The following CACNA1E variants were observed in gnomAD, a reference collection of about 807,000 sequenced individuals.
CACNA1E encodes voltage-dependent R-type calcium channel subunit alpha-1E.
CACNA1E carries 40 observed loss-of-function variants against 259.2 expected under a neutral mutation model. The observed-to-expected ratio is 0.15, with a 90% CI of 0.12 to 0.20. The LOEUF is 0.20. CACNA1E is among the 10% of genes least tolerant of loss of function. CACNA1E has a pLI of 1.00. For missense variants in CACNA1E, 1,874 were observed against 3,040.1 expected (o/e 0.62, Z 9.02); for synonymous variants, 1,104 against 1,138.5 (o/e 0.97, Z 0.61).
chr1:181,438,316 AG>A (rs1249052889), intron 2 of CACNA1E, among the ~76,000 whole-genome samples: 1 of 152,198 alleles, frequency 6.6e-6, no homozygotes, highest in Admixed American at 6.5e-5. Flanking sequence ...AGTGGGCAAA[AG>A]TATTCTCTCT....
chr1:181,448,757 C>A (rs1660956680), intron 2 of CACNA1E, among the ~76,000 whole-genome samples: 1 of 152,186 alleles, frequency 6.6e-6, no homozygotes, highest in Non-Finnish European at 1.5e-5. Context: ...TAAAGTGGAA[C>A]CAGGCATCTT....
intron 3 of CACNA1E, among the ~76,000 whole-genome samples, chr1:181,537,127 T>C (rs1668238948): frequency 7.0e-6 from 1 of 142,520 alleles, no homozygotes; most frequent in Non-Finnish European, 1.5e-5. Context: ...GAGATGGAGT[T>C]TTGCTCTTGT....
At chr1:181,599,153 C>T (rs1653495007) in intron 6 of CACNA1E, among the ~76,000 whole-genome samples, 1 of 151,962 alleles carries the variant, frequency 6.6e-6, no homozygotes, top group African/African-American at 2.4e-5. Context: ...TGTTGTTCCC[C>T]CCTCCCATGT....
chr1:181,565,884 G>GC (rs1470111294), intron 3 of CACNA1E, among the ~76,000 whole-genome samples: 4 of 141,228 alleles, frequency 2.8e-5, no homozygotes, highest in Non-Finnish European at 6.3e-5. Context: ...CCTGGTCCTG[G>GC]GGGGTACCTG....
At chr1:181,467,817 C>A (rs550407194) in intron 2 of CACNA1E, among the ~76,000 whole-genome samples, 3 of 152,272 alleles carry the variant, frequency 2.0e-5, no homozygotes, top group African/African-American at 7.2e-5. Context: ...CACCAGGAGT[C>A]TCAACTGGGA....
At chr1:181,511,534 C>G (rs2102624346) in intron 3 of CACNA1E, 24 bp downstream of exon 3, 8 of 1,611,760 alleles carry the variant, frequency 5.0e-6, no homozygotes, top group Middle Eastern at 1.9e-4. Flanking sequence ...CTCTCTCTGT[C>G]TGTGTGTGTG....
At chr1:181,380,503 A>G (rs1356049145) in intron 1 of CACNA1E, among the ~76,000 whole-genome samples, 3 of 152,200 alleles carry the variant, frequency 2.0e-5, no homozygotes, top group Admixed American at 6.5e-5. Context: ...GCAAATCAAC[A>G]TCCCCCATGG....
intron 3 of CACNA1E, among the ~76,000 whole-genome samples, chr1:181,537,552 G>T (rs145412754): frequency 1.1e-4 from 16 of 152,166 alleles, no homozygotes; most frequent in Admixed American, 9.2e-4. Context: ...TTGGTGGAAG[G>T]GGGGAGAGGT....
At position 181,719,806 on chromosome 1, in the gene CACNA1E, CT is replaced by C. The variant is rs1654261847; in HGVS notation, c.1698del (p.Phe566LeufsTer12). On this transcript the variant is annotated frameshift_variant, in exon 13 of 48. Transcript: ENST00000367573. LOFTEE classifies it high-confidence loss of function. Reference protein sequence around the residue: ...VVWAIFRPGTSFGISVLRALR... With the variant: ...VVWAIFRPGTXFGISVLRALR... ...TGGGCAATCTTCAGACCTGGTACGTCTTTTGGAATCAGTGTCTTGCGAGCCC... is the reference window on the plus strand; with the variant it reads ...TGGGCAATCTTCAGACCTGGTACGTCTTTGGAATCAGTGTCTTGCGAGCCC... 6.2e-7 allele frequency: 1 copy of C among 1,605,014 alleles called. No individual in the cohort carries two copies.
rs148576285 is a variant in CACNA1E at position 181,780,953 on chromosome 1, A to T, written c.5268-474A>T. Among the ~76,000 whole-genome samples, 356 of 152,288 alleles carry T rather than the reference A, an allele frequency of 2.3e-3. 4 individuals are homozygous for T. Among genetic ancestry groups the T allele is most frequent in the African/African-American group, 8.0e-3 (333 of 41,562 alleles). On this transcript the variant is annotated intron_variant, in intron 38 of 47. Coordinates refer to ENST00000367573, the MANE Select transcript of CACNA1E (RefSeq NM_001205293.3). ...GGCCAGCGCCCCAGCCGGGGTCAGA[A>T]ACTCCAACCCATGGCTGGAGCACCG...
At position 181,748,813 on chromosome 1, in the gene CACNA1E, A is replaced by G. The variant is rs1317755457; in HGVS notation, c.3720-1663A>G. 2.6e-5 allele frequency among the ~76,000 whole-genome samples: 4 copies of G among 152,334 alleles called. No homozygotes were observed. The East Asian group carries it at 7.7e-4, about 29-fold the overall frequency. On this transcript the variant is annotated intron_variant, in intron 25 of 47. Transcript: ENST00000367573. ...TTCCCTACTAGACTAGGTAAGTTTC[A>G]AAAGGTTGGCAACCTCATTTGTTCA... is the stretch of plus-strand genomic sequence containing the variant.
At chr1:181,747,353 G>A (rs1657182811) in intron 25 of CACNA1E, among the ~76,000 whole-genome samples, 1 of 152,100 alleles carries the variant, frequency 6.6e-6, no homozygotes, top group Non-Finnish European at 1.5e-5. Context: ...GGATTACATT[G>A]AATGATGAGT....
At chr1:181,684,249 T>C (rs1366680693) in intron 7 of CACNA1E, among the ~76,000 whole-genome samples, 1 of 152,230 alleles carries the variant, frequency 6.6e-6, no homozygotes, top group African/African-American at 2.4e-5. Context: ...TGAACATTTT[T>C]TCATATGCTT....
At chr1:181,376,129 C>G (rs563656229) in intron 1 of CACNA1E, among the ~76,000 whole-genome samples, 5 of 152,130 alleles carry the variant, frequency 3.3e-5, no homozygotes, top group Admixed American at 3.3e-4. Context: ...GTGAATGGAG[C>G]CAGGATAGGG....
At chr1:181,451,285 C>T (rs1165593939) in intron 2 of CACNA1E, among the ~76,000 whole-genome samples, 2 of 152,212 alleles carry the variant, frequency 1.3e-5, no homozygotes, top group Non-Finnish European at 2.9e-5. Flanking sequence ...CTGGTTAGTG[C>T]CCTTGCCATA....
intron 6 of CACNA1E, among the ~76,000 whole-genome samples, chr1:181,604,244 G>A (rs1416044083): frequency 6.6e-6 from 1 of 152,174 alleles, no homozygotes; most frequent in Non-Finnish European, 1.5e-5. Context: ...CACCACCAGG[G>A]CGTGAGCTTT....
chr1:181,500,456 C>G (rs954965341), intron 1 of CACNA1E, among the ~76,000 whole-genome samples: 10 of 152,190 alleles, frequency 6.6e-5, no homozygotes, highest in African/African-American at 2.2e-4. Context: ...TTTGCAAATG[C>G]TACACATTGG....
chr1:181,354,002 C>A (rs967335454), intron 1 of CACNA1E, among the ~76,000 whole-genome samples: 1 of 152,212 alleles, frequency 6.6e-6, no homozygotes, highest in Non-Finnish European at 1.5e-5. Flanking sequence ...ACAGCCACTT[C>A]TCTGAGTGTG....
rs142283043 is a variant in CACNA1E, at chr1:181,407,049, C to T, written c.-14-6084C>T. On this transcript the variant is annotated intron_variant, in intron 1 of 11. Transcript: ENST00000524607. ...CAGAATACGGACTCTTTCAACTCCT[C>T]CGCAGAGACTCAGACTGACTTAGTG... 5.1e-3 allele frequency among the ~76,000 whole-genome samples: 775 copies of T among 152,304 alleles called. 6 individuals are homozygous for T. The highest frequency in any genetic ancestry group is 0.017 in the Middle Eastern group (5 of 294).
Sources: gnomAD v4.1 joint callset for allele counts (sites outside exome capture counted in the v4.1 genomes callset) on GRCh38, gnomAD v4.1.1 for gene constraint, MANE v1.5 for transcripts, NCBI Gene and HGNC (gene_info 2026-07-23, HGNC 2026-07-21) for gene names.